The following NRG1 variants were observed in gnomAD, a reference collection of about 807,000 sequenced individuals.
NRG1 encodes pro-neuregulin-1, membrane-bound isoform.
A neutral mutation model predicts 63.8 loss-of-function variants in NRG1; 18 were observed. The observed-to-expected ratio is 0.28, with a 90% CI of 0.19 to 0.42. The LOEUF (loss-of-function observed/expected upper bound fraction) is 0.42, where lower values mean the gene tolerates loss of function less well. Among genes scored for constraint, NRG1 ranks in the 10% least tolerant of loss-of-function variants. NRG1 has a pLI of 1.00. For missense variants in NRG1, 762 were observed against 814.7 expected, an observed-to-expected ratio of 0.94 and a Z score of 0.79; for synonymous variants, 302 against 301.3, an observed-to-expected ratio of 1.00 and a Z score of -0.02.
At chr8:32,229,131 C>T (rs374478230) in intron 1 of NRG1, among the ~76,000 whole-genome samples, 5 of 152,122 alleles carry the variant, frequency 3.3e-5, no homozygotes, top group South Asian at 4.2e-4. Flanking sequence ...ATTAGTGCAC[C>T]GGAAAGATGC....
At position 32,654,566 on chromosome 8, in the gene NRG1, T is replaced by A. The variant is rs142172927; in HGVS notation, c.502+37681T>A. 6.7e-3 allele frequency among the ~76,000 whole-genome samples: 921 copies of A among 136,778 alleles called. 8 individuals are homozygous for A. Among genetic ancestry groups the A allele is most frequent in the African/African-American group, 0.024 (882 of 37,302 alleles). The allele number at this position is 136,778 out of a possible 152,430, so 89.7% of individuals were successfully genotyped here. On this transcript the variant is annotated intron_variant, in intron 5 of 11. Coordinates refer to ENST00000356819, the Ensembl canonical transcript of NRG1. ...ATCGCTTCAACCTGGGAGGCGGAGG[T>A]TGCAGTGAGCCGAGATCGTGCCACT...
At chr8:32,346,076 T>TAGAATTA in intron 1 of NRG1, among the ~76,000 whole-genome samples, 1 of 147,312 alleles carries the variant, frequency 6.8e-6, no homozygotes, top group Admixed American at 6.8e-5. Context: ...ATATATAATA[T>TAGAATTA]ATACTATAAT....
At chr8:32,305,415 G>T (rs533811442) in intron 1 of NRG1, among the ~76,000 whole-genome samples, 2 of 137,206 alleles carry the variant, frequency 1.5e-5, no homozygotes, top group Non-Finnish European at 3.4e-5. Flanking sequence ...TTCACCAGAC[G>T]AATTCTTCAA....
intron 1 of NRG1, among the ~76,000 whole-genome samples, chr8:31,914,059 A>G (rs1426059672): frequency 1.3e-5 from 2 of 152,146 alleles, no homozygotes; most frequent in African/African-American, 4.8e-5. Context: ...GAACTTAGCT[A>G]TTTATCCAAA....
At chr8:32,407,850 G>T (rs1418704023) in intron 1 of NRG1, among the ~76,000 whole-genome samples, 1 of 152,124 alleles carries the variant, frequency 6.6e-6, no homozygotes, top group Non-Finnish European at 1.5e-5. Flanking sequence ...CAAAAAAGAA[G>T]AATTTGACTA....
chr8:31,938,679 G>A (rs773026682), intron 1 of NRG1, among the ~76,000 whole-genome samples: 2 of 152,100 alleles, frequency 1.3e-5, no homozygotes, highest in Non-Finnish European at 2.9e-5. Context: ...GATATGAAAG[G>A]AAAAATCTTC....
rs1182595244 is a variant in NRG1 at position 32,711,677 on chromosome 8, T to C, written c.503-16272T>C. 2.6e-5 allele frequency among the ~76,000 whole-genome samples: 4 copies of C among 152,172 alleles called. 1 individual carries two copies. The highest frequency in any genetic ancestry group is 9.6e-5 in the African/African-American group (4 of 41,454). On this transcript the variant is annotated intron_variant, in intron 5 of 11. Coordinates refer to ENST00000356819, the Ensembl canonical transcript of NRG1. ...CAGAGCACACCTCCATTTTTGCAAT[T>C]ACAAAATGTCTTCTTTCTTTGCTTC...
chr8:32,416,669 TGTTGTTTGTTTTTTGTG>T (rs1815960880), intron 1 of NRG1, among the ~76,000 whole-genome samples: 1 of 150,648 alleles, frequency 6.6e-6, no homozygotes, highest in Non-Finnish European at 1.5e-5. Context: ...GTTTTGTCGT[TGTTGTTTGTTTTTTGTG>T]GTTGTTTTGT....
chr8:32,452,371 T>C (rs1352370711), intron 1 of NRG1, among the ~76,000 whole-genome samples: 2 of 151,986 alleles, frequency 1.3e-5, no homozygotes, highest in African/African-American at 2.4e-5. Context: ...GACATTTGAG[T>C]TGGGCCTTAC....
intron 1 of NRG1, among the ~76,000 whole-genome samples, chr8:32,492,043 A>G (rs1826647982): frequency 6.6e-6 from 1 of 152,188 alleles, no homozygotes; most frequent in African/African-American, 2.4e-5. Context: ...TACATTTTCA[A>G]TATAATCCCC....
intron 1 of NRG1, among the ~76,000 whole-genome samples, chr8:32,416,355 C>T (rs1335770216): frequency 1.4e-5 from 2 of 146,754 alleles, no homozygotes; most frequent in Non-Finnish European, 3.0e-5. Context: ...TCCCTCCCTT[C>T]CTCCTTTCAC....
intron 1 of NRG1, among the ~76,000 whole-genome samples, chr8:32,035,748 A>G (rs1363688563): frequency 6.6e-6 from 1 of 152,202 alleles, no homozygotes; most frequent in African/African-American, 2.4e-5. Flanking sequence ...GTCAGAAACT[A>G]GGATTTCAAC....
At chr8:32,554,181 C>T (rs1034148468) in intron 1 of NRG1, among the ~76,000 whole-genome samples, 3 of 152,120 alleles carry the variant, frequency 2.0e-5, no homozygotes, top group African/African-American at 7.2e-5. Flanking sequence ...AGCTTGAAAA[C>T]GGATTTCTTT....
chr8:31,933,758 T>C (rs1283307133), intron 1 of NRG1, among the ~76,000 whole-genome samples: 5 of 152,216 alleles, frequency 3.3e-5, no homozygotes, highest in Non-Finnish European at 7.3e-5. Flanking sequence ...ATACAACTGG[T>C]CTAAATATTA....
At chr8:31,997,525 A>G (rs1392558679) in intron 1 of NRG1, among the ~76,000 whole-genome samples, 2 of 152,030 alleles carry the variant, frequency 1.3e-5, no homozygotes, top group African/African-American at 4.8e-5. Flanking sequence ...TTAATCATCA[A>G]AAACAATTCT....
chr8:31,850,759 A>C, intron 1 of NRG1, among the ~76,000 whole-genome samples: 1 of 152,050 alleles, frequency 6.6e-6, no homozygotes, highest in East Asian at 1.9e-4. Flanking sequence ...TTCCAGGTTC[A>C]TTGCCATTTT....
At chr8:32,617,002 C>A in intron 5 of NRG1, 117 bp downstream of exon 5, 1 of 753,394 alleles carries the variant, frequency 1.3e-6, no homozygotes, top group South Asian at 1.6e-5. Flanking sequence ...TTGAGTTTGG[C>A]AATAGGTGGT....
intron 1 of NRG1, among the ~76,000 whole-genome samples, chr8:32,171,095 G>C (rs1360475901): frequency 6.6e-6 from 1 of 152,050 alleles, no homozygotes; most frequent in Non-Finnish European, 1.5e-5. Flanking sequence ...GGAGAGGAGA[G>C]GCTGAGGATA....
At chr8:32,133,016 T>A (rs1157739193) in intron 1 of NRG1, among the ~76,000 whole-genome samples, 2 of 150,692 alleles carry the variant, frequency 1.3e-5, no homozygotes, top group Non-Finnish European at 3.0e-5. Context: ...TTCCCCCCAC[T>A]CTCTCTCTCT....
Sources: gnomAD v4.1 joint callset for allele counts (sites outside exome capture counted in the v4.1 genomes callset) on GRCh38, gnomAD v4.1.1 for gene constraint, MANE v1.5 for transcripts, NCBI Gene and HGNC (gene_info 2026-07-23, HGNC 2026-07-21) for gene names.